KLRG1: variants seen among roughly 807,000 people sequenced by gnomAD.
The protein encoded by KLRG1 is killer cell lectin-like receptor subfamily G member 1.
A neutral mutation model predicts 21.8 loss-of-function variants in KLRG1; 16 were observed. The ratio of observed to expected loss-of-function variants is 0.73; its 90% CI spans 0.50 to 1.11. The LOEUF (loss-of-function observed/expected upper bound fraction) is 1.11. KLRG1 is among the 50% of genes most tolerant of loss of function. The pLI is 0.00. For synonymous variants in KLRG1, 69 were observed against 75.9 expected, an observed-to-expected ratio of 0.91 and a Z score of 0.47; for missense variants, 173 against 218.3, an observed-to-expected ratio of 0.79 and a Z score of 1.31.
intron 1 of KLRG1, among the ~76,000 whole-genome samples, chr12:8,972,168 TC>T (rs148741505): frequency 0.018 from 2,717 of 151,506 alleles, 73 homozygotes; most frequent in African/African-American, 0.061. Context: ...ATCCATTTTT[TC>T]TTTTTTGAGA....
the KLRG1 span, among the ~76,000 whole-genome samples, chr12:9,172,727 AGAAGG>A: frequency 2.0e-5 from 3 of 152,242 alleles, no homozygotes; most frequent in African/African-American, 7.2e-5. Flanking sequence ...AAACAAACAA[AGAAGG>A]GTAGTATATA....
At chr12:9,214,883 C>T in the KLRG1 span, among the ~76,000 whole-genome samples, 16 of 151,900 alleles carry the variant, frequency 1.1e-4, no homozygotes, top group East Asian at 1.9e-3. Flanking sequence ...TTGCTTTTGC[C>T]TTCCAAAAAT....
the KLRG1 span, among the ~76,000 whole-genome samples, chr12:9,060,075 G>A: frequency 1.4e-5 from 2 of 144,546 alleles, no homozygotes; most frequent in African/African-American, 5.3e-5. Flanking sequence ...CGTGATCTCG[G>A]CTCACTGCAA....
chr12:8,962,772 C>T (rs1469286646), intron 1 of KLRG1, among the ~76,000 whole-genome samples: 3 of 148,168 alleles, frequency 2.0e-5, no homozygotes, highest in South Asian at 4.3e-4. Flanking sequence ...ACAAAATAAA[C>T]ACAAAGGGAA....
the KLRG1 span, among the ~76,000 whole-genome samples, chr12:9,127,563 T>C: frequency 1.3e-5 from 2 of 152,150 alleles, no homozygotes; most frequent in South Asian, 4.1e-4. Context: ...ACTTAGTCCT[T>C]TGGGGGCTGG....
At chr12:8,954,253 A>T (rs1325576874) in intron 1 of KLRG1, among the ~76,000 whole-genome samples, 6 of 152,108 alleles carry the variant, frequency 3.9e-5, no homozygotes. Flanking sequence ...GAAACAGTGT[A>T]GGAAGATGGT....
At chr12:9,151,391 TATTC>T in the KLRG1 span, among the ~76,000 whole-genome samples, 1 of 152,212 alleles carries the variant, frequency 6.6e-6, no homozygotes, top group East Asian at 1.9e-4. Flanking sequence ...TTCATAGAAA[TATTC>T]ATATTCCAAT....
the KLRG1 span, among the ~76,000 whole-genome samples, chr12:9,127,381 T>G: frequency 6.6e-6 from 1 of 152,120 alleles, no homozygotes; most frequent in Non-Finnish European, 1.5e-5. Context: ...GTTTTGGTGT[T>G]TTATCAGCCC....
At chr12:8,992,646 C>T (rs1464122197) in intron 2 of KLRG1, among the ~76,000 whole-genome samples, 2 of 152,066 alleles carry the variant, frequency 1.3e-5, no homozygotes, top group African/African-American at 2.4e-5. Context: ...CTCAGCCTCT[C>T]GAGTAGCTGG....
At chr12:9,088,221 A>AG in the KLRG1 span, among the ~76,000 whole-genome samples, 1 of 151,616 alleles carries the variant, frequency 6.6e-6, no homozygotes, top group African/African-American at 2.4e-5. Flanking sequence ...AAAAATGTTC[A>AG]GGGGGGTGAC....
At chr12:9,101,256 C>CT in the KLRG1 span, 1 of 1,523,478 alleles carries the variant, frequency 6.6e-7, no homozygotes, top group Admixed American at 2.0e-5. Context: ...AGAGAACACG[C>CT]TTCAGTCTCA....
chr12:9,055,469 T>C, the KLRG1 span: 1 of 152,370 alleles, frequency 6.6e-6, no homozygotes, highest in East Asian at 1.9e-4. Flanking sequence ...CCTAAATTTA[T>C]GCTAGGTGCT....
the KLRG1 span, chr12:9,164,996 T>G: frequency 2.9e-6 from 3 of 1,017,934 alleles, no homozygotes; most frequent in East Asian, 7.5e-5. Flanking sequence ...GATCATGTCC[T>G]GCTTTGCATA....
the KLRG1 span, among the ~76,000 whole-genome samples, chr12:9,024,106 C>CA: frequency 7.4e-6 from 1 of 135,892 alleles, no homozygotes; most frequent in Admixed American, 8.3e-5. Context: ...CAGCTTACTG[C>CA]AACCTCCTCC....
At chr12:8,957,499 G>GTT in intron 1 of KLRG1, among the ~76,000 whole-genome samples, 1 of 151,526 alleles carries the variant, frequency 6.6e-6, no homozygotes, top group Admixed American at 6.6e-5. Context: ...CGGAATACTT[G>GTT]TTTTGTTTTT....
the KLRG1 span, among the ~76,000 whole-genome samples, chr12:9,095,916 C>T: frequency 6.0e-3 from 914 of 151,156 alleles, 10 homozygotes; most frequent in African/African-American, 0.021. Flanking sequence ...CCCGCCACCG[C>T]GCCCGGCTAA....
At chr12:9,155,360 C>T in the KLRG1 span, among the ~76,000 whole-genome samples, 2 of 152,096 alleles carry the variant, frequency 1.3e-5, no homozygotes, top group African/African-American at 2.4e-5. Context: ...CCAGAGTTAA[C>T]TACTTCCATT....
At chr12:9,101,872 G>A in the KLRG1 span, among the ~76,000 whole-genome samples, 7 of 152,202 alleles carry the variant, frequency 4.6e-5, no homozygotes, top group South Asian at 1.5e-3. Flanking sequence ...TTACACTGCA[G>A]AGCCTCCTGG....
At chr12:9,181,124 C>T in the KLRG1 span, 1 of 1,613,964 alleles carries the variant, frequency 6.2e-7, no homozygotes, top group Admixed American at 1.7e-5. Context: ...GGCTGAAGCT[C>T]AAATCCACCT....
Sources: gnomAD v4.1 joint callset for allele counts (sites outside exome capture counted in the v4.1 genomes callset) on GRCh38, gnomAD v4.1.1 for gene constraint, MANE v1.5 for transcripts, NCBI Gene and HGNC (gene_info 2026-07-23, HGNC 2026-07-21) for gene names.